The following KPNA4 variants were observed in gnomAD, a reference collection of about 807,000 sequenced individuals.
KPNA4 encodes the protein karyopherin subunit alpha 4, also known as importin subunit alpha-3.
KPNA4 carries 13 observed loss-of-function variants against 71.3 expected under a neutral mutation model. The observed-to-expected ratio is 0.18, with a 90% CI of 0.12 to 0.29. KPNA4 has a LOEUF of 0.29. KPNA4 is among the 10% of genes least tolerant of loss of function. The pLI is 1.00. For missense variants in KPNA4, 334 were observed against 603.2 expected (o/e 0.55, Z 4.67); for synonymous variants, 189 against 195.2 (o/e 0.97, Z 0.26).
At chr3:160,527,163 C>T (rs765454908) in intron 8 of KPNA4, among the ~76,000 whole-genome samples, 1 of 152,172 alleles carries the variant, frequency 6.6e-6, no homozygotes, top group African/African-American at 2.4e-5. Context: ...ATTAGCAATA[C>T]CCCTACAAAC....
rs369000580 is a variant in KPNA4, at chr3:160,518,291, A to G, written c.904-2711T>C. Among the ~76,000 whole-genome samples the G allele has an allele frequency of 4.6e-5, 7 of 150,902 alleles. No homozygotes were observed. In the East Asian group the frequency reaches 1.0e-3, roughly 21 times the overall value. On this transcript the variant is annotated intron_variant, in intron 11 of 16. Transcript: ENST00000334256. Reference sequence around the variant, plus strand: ...GCTGGGACTACAGGCGCCCGCTACCACGCCCGGCTAATTTTTTGTATTTTT... The same window carrying G: ...GCTGGGACTACAGGCGCCCGCTACCGCGCCCGGCTAATTTTTTGTATTTTT...
At chr3:160,541,647 GCGCACA>G (rs1332005302) in intron 1 of KPNA4, among the ~76,000 whole-genome samples, 1 of 111,402 alleles carries the variant, frequency 9.0e-6, no homozygotes, top group African/African-American at 4.1e-5. Context: ...AGTTATATAC[GCGCACA>G]CACACACACA....
chr3:160,525,192 T>G (rs1481996788), intron 10 of KPNA4, among the ~76,000 whole-genome samples: 1 of 146,054 alleles, frequency 6.8e-6, no homozygotes, highest in Non-Finnish European at 1.6e-5. Flanking sequence ...CCTGCACTGA[T>G]TTTTTTTTCC....
At position 160,508,164 on chromosome 3, in the gene KPNA4, A is replaced by G; in HGVS notation, c.1315T>C (p.Leu439=). The G allele has an allele frequency of 6.2e-7, 1 of 1,611,562 alleles. No homozygotes were observed. The highest frequency in any genetic ancestry group is 8.5e-7 in the Non-Finnish European group (1 of 1,179,068). ...QVVLDGLSNI[L]KMAEDEAETI... ...TCTGCCTCATCTTCAGCCATTTTTA[A>G]TATATTACTTAGTCCATCGAGTACT... Residue 439 remains leucine, a synonymous_variant, in exon 15 of 17, where the codon TTA becomes CTA. Transcript: ENST00000334256.
intron 8 of KPNA4, among the ~76,000 whole-genome samples, 168 bp from the exon 9 acceptor site, chr3:160,526,275 G>A (rs551117446): frequency 1.3e-5 from 2 of 152,144 alleles, no homozygotes; most frequent in Non-Finnish European, 2.9e-5. Flanking sequence ...AGCCAAGAGA[G>A]GCAACATAAA....
Position 160,517,471 on chromosome 3 carries a change from T to C in KPNA4, c.904-1891A>G, listed in dbSNP as rs193111745. Among the ~76,000 whole-genome samples the C allele has an allele frequency of 7.0e-4, 106 of 152,260 alleles. 2 individuals carry two copies. The highest frequency in any genetic ancestry group is 5.9e-3 in the Admixed American group (90 of 15,302). On this transcript the variant is annotated intron_variant, in intron 11 of 16. Coordinates refer to ENST00000334256, the MANE Select transcript of KPNA4 (RefSeq NM_002268.5). ...TATGCATTTTCATTTCTCTTGGGTA[T>C]GTACCTAAGAGTAATTAATTGCCAG...
At chr3:160,545,320 T>C (rs948547314) in intron 1 of KPNA4, among the ~76,000 whole-genome samples, 2 of 152,256 alleles carry the variant, frequency 1.3e-5, no homozygotes, top group Non-Finnish European at 2.9e-5. Flanking sequence ...GATGTATGCA[T>C]GTGCATAGGA....
In KPNA4 at chr3:160,505,014, C is replaced by G. The variant is rs1577044428; in HGVS notation, c.1411G>C (p.Glu471Gln). ...TCATAGGCCAATTTGTAGATGTCTTCATTTTCATGATTTTGAAGTTGTTCA... is the reference window on the plus strand; with the variant it reads ...TCATAGGCCAATTTGTAGATGTCTTGATTTTCATGATTTTGAAGTTGTTCA... Reference protein sequence around the residue: ...KIEQLQNHENEDIYKLAYEII... With the variant: ...KIEQLQNHENQDIYKLAYEII... The change falls in exon 16 of 17, where the codon GAA (glutamate) becomes CAA (glutamine). Residue 471 changes from glutamate (E) to glutamine (Q), a missense_variant. Coordinates refer to ENST00000334256, the MANE Select transcript of KPNA4 (RefSeq NM_002268.5). 1 of 1,569,436 alleles carries G rather than the reference C, an allele frequency of 6.4e-7. No homozygotes were observed. Among genetic ancestry groups the G allele is most frequent in the East Asian group, 2.3e-5 (1 of 43,300 alleles).
intron 1 of KPNA4, among the ~76,000 whole-genome samples, chr3:160,544,660 GA>G (rs1364594481): frequency 6.6e-6 from 1 of 152,074 alleles, no homozygotes; most frequent in Non-Finnish European, 1.5e-5. Flanking sequence ...AAAAGACACT[GA>G]GAAAAATTAC....
Position 160,544,323 on chromosome 3 carries a change from T to C in KPNA4, c.70-7483A>G, listed in dbSNP as rs1721864002. On this transcript the variant is annotated intron_variant, in intron 1 of 16. Coordinates refer to ENST00000334256, the MANE Select transcript of KPNA4 (RefSeq NM_002268.5). ...TGAGACACATATAACCTTCTCAGGG[T>C]TGGGAAACACTGCAAGATAAACTTT... 2.0e-5 allele frequency among the ~76,000 whole-genome samples: 3 copies of C among 152,160 alleles called. No individual in the cohort carries two copies. The South Asian group carries it at 6.2e-4, about 32-fold the overall frequency.
At chr3:160,524,331 TTTTATTTA>T (rs544920775) in intron 10 of KPNA4, among the ~76,000 whole-genome samples, 5 of 151,932 alleles carry the variant, frequency 3.3e-5, no homozygotes, top group East Asian at 1.9e-4. Flanking sequence ...TTGCCAATCG[TTTTATTTA>T]TTTATTTATT....
intron 1 of KPNA4, among the ~76,000 whole-genome samples, chr3:160,546,429 A>G (rs1375098544): frequency 6.6e-6 from 1 of 152,102 alleles, no homozygotes; most frequent in Non-Finnish European, 1.5e-5. Context: ...GAGGGAGGAG[A>G]ATCGCTTGAA....
intron 12 of KPNA4, 99 bp downstream of exon 12, chr3:160,515,338 TGACAGTTTGTATTAA>T: frequency 9.9e-7 from 1 of 1,009,678 alleles, no homozygotes; most frequent in Non-Finnish European, 1.4e-6. Flanking sequence ...GATGTCTAAA[TGACAGTTTGTATTAA>T]GAATCAATAT....
rs188144947 is a variant in KPNA4 at position 160,506,626 on chromosome 3, T to C, written c.1372+1481A>G. Among the ~76,000 whole-genome samples, 633 of 152,340 alleles carry C rather than the reference T, an allele frequency of 4.2e-3. 5 individuals are homozygous for C. The highest frequency in any genetic ancestry group is 0.01 in the Middle Eastern group (3 of 294). On this transcript the variant is annotated intron_variant, in intron 15 of 16. Coordinates refer to ENST00000334256, the MANE Select transcript of KPNA4 (RefSeq NM_002268.5). ...CAATCCACTGGGGATTCCTGGGTCT[T>C]ACCTCCAGTGAGGTAGGCAATGTTC...
chr3:160,504,610 G>T (rs1297372535), intron 16 of KPNA4, among the ~76,000 whole-genome samples: 1 of 152,066 alleles, frequency 6.6e-6, no homozygotes, highest in East Asian at 1.9e-4. Flanking sequence ...CTGTCATAAA[G>T]AACTTATTAC....
At chr3:160,546,524 AAAG>A (rs1220834951) in intron 1 of KPNA4, among the ~76,000 whole-genome samples, 6 of 152,322 alleles carry the variant, frequency 3.9e-5, no homozygotes, top group African/African-American at 1.2e-4. Flanking sequence ...TCTCAGAAAA[AAAG>A]AAGAATCTGT....
Position 160,501,267 on chromosome 3 carries a change from G to A in KPNA4, c.*837C>T, listed in dbSNP as rs1462210830. 1 of 112,068 alleles carries A rather than the reference G, an allele frequency of 8.9e-6. No individual in the cohort carries two copies. The highest frequency in any genetic ancestry group is 3.4e-5 in the African/African-American group (1 of 29,654). 6.9% of individuals were successfully genotyped at this position (112,068 alleles called of 1,614,324 possible). ...ACTAAAAAAAGGCATACTAGGTAAA[G>A]TAAATAAAAACTAAAAAAAAAGAAA... On this transcript the variant is annotated 3_prime_UTR_variant, in exon 17 of 17. Transcript: ENST00000334256.
At chr3:160,509,594 C>T (rs1418837022) in intron 14 of KPNA4, among the ~76,000 whole-genome samples, 2 of 152,048 alleles carry the variant, frequency 1.3e-5, no homozygotes, top group African/African-American at 4.8e-5. Flanking sequence ...TGTTATCTTG[C>T]TCTTATTTTA....
At chr3:160,507,968 T>C (rs980850782) in intron 15 of KPNA4, 139 bp downstream of exon 15, 1 of 642,922 alleles carries the variant, frequency 1.6e-6, no homozygotes, top group Non-Finnish European at 2.6e-6. Context: ...GGACTGCACA[T>C]ATAGAATACA....
Sources: allele counts gnomAD v4.1 joint callset (sites outside exome capture counted in the v4.1 genomes callset), GRCh38; gene constraint gnomAD v4.1.1; transcripts MANE v1.5; gene names NCBI Gene and HGNC (gene_info 2026-07-23, HGNC 2026-07-21).